SP3: variants seen among roughly 807,000 people sequenced by gnomAD.
SP3 encodes Sp3 transcription factor, also known as transcription factor Sp3.
SP3 carries 10 observed loss-of-function variants against 70.3 expected under a neutral mutation model. The ratio of observed to expected loss-of-function variants is 0.14; its 90% CI spans 0.09 to 0.24. The LOEUF (loss-of-function observed/expected upper bound fraction) is 0.24, where lower values mean the gene tolerates loss of function less well. SP3 is among the 10% of genes least tolerant of loss of function. The probability of loss-of-function intolerance (pLI) is 1.00; values close to 1 mark genes in which losing one functional copy is unlikely to be tolerated. For missense variants in SP3, 825 were observed against 914.6 expected, an observed-to-expected ratio of 0.90 and a Z score of 1.26; for synonymous variants, 402 against 333.5, an observed-to-expected ratio of 1.21 and a Z score of -2.24.
Position 173,909,971 on chromosome 2 carries a change from G to C in SP3, c.2316C>G (p.Val772=), listed in dbSNP as rs775039079. ...CCATTGTCTCATTTCCAGAAACTGT[G>C]ACAAGCTGTAAAGGTATTTCAGTGT... ...LTNTEIPLQL[V]TVSGNETME Residue 772 remains valine, a synonymous_variant, in exon 7 of 7, where the codon GTC becomes GTG. Transcript: ENST00000310015. The C allele has an allele frequency of 1.2e-5, 19 of 1,613,664 alleles. No homozygotes were observed. Among genetic ancestry groups the C allele is most frequent in the Non-Finnish European group, 1.5e-5 (18 of 1,179,788 alleles).
chr2:173,918,763 T>C lies in SP3; in HGVS notation c.1662A>G (p.Glu554=), dbSNP rs1689674297. 6.2e-7 allele frequency: 1 copy of C among 1,612,598 alleles called. No homozygotes were observed. The highest frequency in any genetic ancestry group is 1.3e-5 in the African/African-American group (1 of 74,970). ...SPADIRIKEE[E]PDPEEWQLSG... is the part of the protein sequence containing the mutation. ...TGAGCTGCCACTCTTCAGGATCAGG[T>C]TCTTCTTCCTTGATCCTAATATCTA... is the stretch of plus-strand genomic sequence containing the variant. The change falls in exon 5 of 7, where the codon GAA becomes GAG. Residue 554 remains glutamate, a synonymous_variant. Transcript: ENST00000310015.
chr2:173,950,138 G>C (rs1031483715), intron 4 of SP3, among the ~76,000 whole-genome samples: 5 of 152,044 alleles, frequency 3.3e-5, no homozygotes, highest in African/African-American at 1.2e-4. Context: ...GGCGCCTGAT[G>C]TTTCCAGGAA....
At chr2:173,933,638 T>TTATGTA (rs1690128509) in intron 4 of SP3, among the ~76,000 whole-genome samples, 1 of 86,566 alleles carries the variant, frequency 1.2e-5, no homozygotes, top group Non-Finnish European at 2.4e-5. Context: ...TTATAAAACT[T>TTATGTA]TATATATATA....
intron 3 of SP3, among the ~76,000 whole-genome samples, chr2:173,960,812 TA>T (rs200356914): frequency 8.1e-5 from 11 of 136,058 alleles, no homozygotes; most frequent in African/African-American, 2.0e-4. Flanking sequence ...CCACTAAAAA[TA>T]CAAAAAAAAA....
chr2:173,946,530 C>T (rs1340806887), intron 4 of SP3, among the ~76,000 whole-genome samples: 1 of 152,080 alleles, frequency 6.6e-6, no homozygotes, highest in Admixed American at 6.6e-5. Context: ...ATTTTTCCTA[C>T]TTAATCCTAC....
rs1303907201 is a variant in SP3, at chr2:173,903,431, A to G, written c.*6510T>C. 6.6e-6 allele frequency among the ~76,000 whole-genome samples: 1 copy of G among 152,228 alleles called. No homozygotes were observed. Among genetic ancestry groups the G allele is most frequent in the Non-Finnish European group, 1.5e-5 (1 of 68,038 alleles). On this transcript the variant is annotated 3_prime_UTR_variant, in exon 7 of 7. Coordinates refer to ENST00000310015, the MANE Select transcript of SP3 (RefSeq NM_003111.5). The stretch of plus-strand genomic sequence containing the variant: ...TCTAAGTCCCAAACCTATGCACTTA[A>G]TCACTATATTATGCTATGAAAGGTT...
At position 173,907,225 on chromosome 2, in the gene SP3, T is replaced by C. The variant is rs1025188907; in HGVS notation, c.*2716A>G. The C allele has an allele frequency of 4.6e-5, 7 of 152,170 alleles. No individual in the cohort carries two copies. Among genetic ancestry groups the C allele is most frequent in the Admixed American group, 3.3e-4 (5 of 15,280 alleles). 9.4% of individuals were successfully genotyped at this position (152,170 alleles called of 1,614,324 possible). On this transcript the variant is annotated 3_prime_UTR_variant, in exon 7 of 7. Coordinates refer to ENST00000310015, the MANE Select transcript of SP3 (RefSeq NM_003111.5). ...AACAGGAATTATTTGTACATAAATA[T>C]ATTCAATATGCACTAACTCTAGCCT...
In SP3 at chr2:173,905,589, C is replaced by G. The variant is rs1255003970; in HGVS notation, c.*4352G>C. ...TTTAATACAATGAAGTGGCATGAAT[C>G]ATGTTACATGACAATATACATGACA... is the stretch of plus-strand genomic sequence containing the variant. On this transcript the variant is annotated 3_prime_UTR_variant, in exon 7 of 7. Coordinates refer to ENST00000310015, the MANE Select transcript of SP3 (RefSeq NM_003111.5). Among the ~76,000 whole-genome samples, 2 of 151,774 alleles carry G rather than the reference C, an allele frequency of 1.3e-5. No individual in the cohort carries two copies. The highest frequency in any genetic ancestry group is 4.8e-5 in the African/African-American group (2 of 41,294).
intron 5 of SP3, among the ~76,000 whole-genome samples, chr2:173,918,047 G>T (rs969558208): frequency 6.7e-6 from 1 of 149,428 alleles, no homozygotes; most frequent in African/African-American, 2.5e-5. Context: ...ATTAAGCTTA[G>T]TACATCCATA....
At chr2:173,930,856 G>A (rs1239413983) in intron 4 of SP3, among the ~76,000 whole-genome samples, 1 of 152,070 alleles carries the variant, frequency 6.6e-6, no homozygotes, top group Non-Finnish European at 1.5e-5. Flanking sequence ...TGCAAGCCAC[G>A]TACGTTAACT....
chr2:173,958,270 GTTTT>G (rs5836443), intron 3 of SP3, among the ~76,000 whole-genome samples: 7 of 137,918 alleles, frequency 5.1e-5, no homozygotes, highest in African/African-American at 1.3e-4. Flanking sequence ...CACCTAAAGT[GTTTT>G]TTTTTTTTTT....
chr2:173,931,315 G>A (rs957146346), intron 4 of SP3, among the ~76,000 whole-genome samples: 3 of 150,660 alleles, frequency 2.0e-5, no homozygotes, highest in Non-Finnish European at 2.9e-5. Flanking sequence ...GATCACTTGA[G>A]GTCAGGAGTT....
intron 4 of SP3, among the ~76,000 whole-genome samples, chr2:173,925,597 G>C (rs887635925): frequency 2.0e-5 from 3 of 152,030 alleles, no homozygotes; most frequent in Non-Finnish European, 4.4e-5. Flanking sequence ...TAAAAATCTG[G>C]CAAATCTTCC....
In SP3 at chr2:173,955,608, C is replaced by G; in HGVS notation, c.904G>C (p.Ala302Pro). Residue 302 changes from alanine (A) to proline (P), a missense_variant, in exon 4 of 7, where the codon GCT becomes CCT. Coordinates refer to ENST00000310015, the MANE Select transcript of SP3 (RefSeq NM_003111.5). ...ADGHLINTGQ[A>P]MDSSDNSERT... ...TCTGAATTGTCTGAACTATCCATAG[C>G]TTGTCCTGTGTTTATCAAATGTCCG... The G allele has an allele frequency of 6.2e-7, 1 of 1,614,116 alleles. No homozygotes were observed. The highest frequency in any genetic ancestry group is 8.5e-7 in the Non-Finnish European group (1 of 1,180,020).
At chr2:173,960,871 G>A (rs138185438) in intron 3 of SP3, among the ~76,000 whole-genome samples, 2,393 of 152,198 alleles carry the variant, frequency 0.016, 30 homozygotes, top group Middle Eastern at 0.027. Context: ...AGTTACTCGG[G>A]AGGCTGAGGC....
intron 4 of SP3, among the ~76,000 whole-genome samples, chr2:173,929,514 G>T (rs1690008135): frequency 1.3e-5 from 2 of 152,084 alleles, no homozygotes; most frequent in African/African-American, 2.4e-5. Context: ...AATACACACT[G>T]ACAGAATATA....
At chr2:173,945,772 C>T (rs1203833728) in intron 4 of SP3, among the ~76,000 whole-genome samples, 1 of 152,200 alleles carries the variant, frequency 6.6e-6, no homozygotes, top group Non-Finnish European at 1.5e-5. Context: ...AGATCACACA[C>T]TGAGAACCAC....
At position 173,964,480 on chromosome 2, in the gene SP3, G is replaced by GCCGCCGCCA. The variant is rs753846956; in HGVS notation, c.72_80dup (p.Gly27_Gly29dup). The GCCGCCGCCA allele has an allele frequency of 6.8e-5, 47 of 693,310 alleles. No individual in the cohort carries two copies. Among genetic ancestry groups the GCCGCCGCCA allele is most frequent in the African/African-American group, 1.9e-4 (10 of 53,428 alleles). The allele number at this position is 693,310 out of a possible 1,614,324, so 42.9% of individuals were successfully genotyped here. A position where few individuals can be genotyped will look rare whatever the true frequency, so the allele number is the denominator to read the frequency against. ...GCTGCAGATACTCGCCGTGGCCGCC[G>GCCGCCGCCA]CCGCCGCCACCGCCGCCGCCGCTAT... On this transcript the variant is annotated inframe_insertion, in exon 2 of 7. Coordinates refer to ENST00000310015, the MANE Select transcript of SP3 (RefSeq NM_003111.5).
intron 2 of SP3, 104 bp downstream of exon 2, chr2:173,964,301 G>GGAGAGAC: frequency 1.7e-6 from 1 of 574,264 alleles, no homozygotes; most frequent in Non-Finnish European, 3.1e-6. Context: ...GGAGGGGAGG[G>GGAGAGAC]GAGAGACGAG....
Sources: allele counts gnomAD v4.1 joint callset (sites outside exome capture counted in the v4.1 genomes callset), GRCh38; gene constraint gnomAD v4.1.1; transcripts MANE v1.5; gene names NCBI Gene and HGNC (gene_info 2026-07-23, HGNC 2026-07-21).